ZNF845: variants seen among roughly 807,000 people sequenced by gnomAD.
The protein encoded by ZNF845 is zinc finger protein 845.
Under a neutral mutation model 76.1 loss-of-function variants are expected in ZNF845, and 59 were observed. That is an observed-to-expected ratio of 0.78 (90% CI 0.63 to 0.96). ZNF845 has a LOEUF of 0.96. Ranked by LOEUF, ZNF845 falls within the 40% of genes least tolerant of loss-of-function variation. The pLI is 0.00. For synonymous variants in ZNF845, 361 were observed against 386.9 expected, an observed-to-expected ratio of 0.93 and a Z score of 0.78; for missense variants, 1,045 against 1,172.8, an observed-to-expected ratio of 0.89 and a Z score of 1.59.
At chr19:53,344,867 G>A (rs377091281) in intron 2 of ZNF845, among the ~76,000 whole-genome samples, 12 of 151,804 alleles carry the variant, frequency 7.9e-5, no homozygotes, top group African/African-American at 2.9e-4. Flanking sequence ...TTGAACTCCC[G>A]ACTTCAGGTG....
At chr19:53,343,965 G>T (rs1036441231) in intron 2 of ZNF845, among the ~76,000 whole-genome samples, 2 of 151,254 alleles carry the variant, frequency 1.3e-5, no homozygotes, top group Non-Finnish European at 2.9e-5. Flanking sequence ...AACCACAGGT[G>T]CCTGCCACCA....
Position 53,352,952 on chromosome 19 carries a change from A to G in ZNF845, c.2277A>G (p.Lys759=). 6.2e-7 allele frequency: 1 copy of G among 1,614,094 alleles called. No homozygotes were observed. Among genetic ancestry groups the G allele is most frequent in the Non-Finnish European group, 8.5e-7 (1 of 1,179,978 alleles). ...CEECDKVFSR[K]SSLEKHRRIH... ...AATGTGACAAAGTTTTCAGTCGCAA[A>G]TCAAGCCTTGAAAAACACAGGAGAA... Residue 759 remains lysine, a synonymous_variant, in exon 4 of 4, where the codon AAA becomes AAG. Transcript: ENST00000458035.
intron 3 of ZNF845, among the ~76,000 whole-genome samples, chr19:53,349,529 A>G (rs1303067574): frequency 6.6e-6 from 1 of 151,778 alleles, no homozygotes; most frequent in African/African-American, 2.4e-5. Flanking sequence ...CAGCCTCCCA[A>G]AGTGTTGGGA....
intron 1 of ZNF845, chr19:53,340,787 T>A (rs2085250674): frequency 3.0e-6 from 1 of 331,596 alleles, no homozygotes; most frequent in Non-Finnish European, 5.4e-6. Flanking sequence ...TCTGACCTCA[T>A]CTGTTTCCCG....
At chr19:53,343,301 T>C (rs951990877) in intron 2 of ZNF845, among the ~76,000 whole-genome samples, 4 of 152,224 alleles carry the variant, frequency 2.6e-5, no homozygotes, top group Admixed American at 2.6e-4. Flanking sequence ...CCCTTTGACA[T>C]CTGCATTAGA....
chr19:53,354,822 A>G lies in ZNF845; in HGVS notation c.*1234A>G, dbSNP rs1365395916. 2.0e-5 allele frequency: 3 copies of G among 152,098 alleles called. No homozygotes were observed. Among genetic ancestry groups the G allele is most frequent in the Non-Finnish European group, 4.4e-5 (3 of 68,026 alleles). The allele number at this position is 152,098 out of a possible 1,614,324, so 9.4% of individuals were successfully genotyped here. A position where few individuals can be genotyped will look rare whatever the true frequency, so the allele number is the denominator to read the frequency against. On this transcript the variant is annotated 3_prime_UTR_variant, in exon 4 of 4. Coordinates refer to ENST00000458035, the MANE Select transcript of ZNF845 (RefSeq NM_138374.3). ...TGGGTGCTGATTTTGTATTCTGCAA[A>G]TACATTGAGTGGGTTTATTAGTATC...
chr19:53,340,435 T>G (rs1374211431), intron 1 of ZNF845, among the ~76,000 whole-genome samples: 1 of 152,112 alleles, frequency 6.6e-6, no homozygotes, highest in Non-Finnish European at 1.5e-5. Context: ...CTGTGTCCAG[T>G]TGACTCCTTA....
At chr19:53,340,382 G>A (rs547285895) in intron 1 of ZNF845, among the ~76,000 whole-genome samples, 2 of 152,152 alleles carry the variant, frequency 1.3e-5, no homozygotes, top group Admixed American at 6.5e-5. Context: ...TTACCCCCAT[G>A]GCCCCATGGC....
intron 2 of ZNF845, among the ~76,000 whole-genome samples, chr19:53,344,039 A>C (rs1331221902): frequency 1.3e-5 from 2 of 151,324 alleles, no homozygotes; most frequent in Non-Finnish European, 2.9e-5. Context: ...TGCAATGGTG[A>C]GATTTAGGAT....
At chr19:53,346,452 A>G (rs982822107) in intron 3 of ZNF845, 1 of 348,736 alleles carries the variant, frequency 2.9e-6, no homozygotes, top group Non-Finnish European at 5.7e-6. Flanking sequence ...AGGCCGAGGC[A>G]GGCAAATCAC....
chr19:53,344,610 T>TTATGTTATGTTATGTTATGTTATG (rs1568736743), intron 2 of ZNF845, among the ~76,000 whole-genome samples: 2 of 129,584 alleles, frequency 1.5e-5, no homozygotes, highest in Admixed American at 9.2e-5. Context: ...TTTTATTTAT[T>TTATGTTATGTTATGTTATGTTATG]TTATTTTATT....
At chr19:53,349,343 C>A (rs1028741445) in intron 3 of ZNF845, among the ~76,000 whole-genome samples, 3 of 151,938 alleles carry the variant, frequency 2.0e-5, no homozygotes, top group African/African-American at 7.3e-5. Flanking sequence ...CGGCTCACTG[C>A]AAGCTCCACC....
intron 1 of ZNF845, among the ~76,000 whole-genome samples, chr19:53,336,458 C>T (rs1304542182): frequency 6.6e-6 from 1 of 151,930 alleles, no homozygotes; most frequent in Non-Finnish European, 1.5e-5. Flanking sequence ...TGCAGTGAAC[C>T]GAAATGGTAC....
intron 3 of ZNF845, among the ~76,000 whole-genome samples, chr19:53,348,354 C>T (rs912632058): frequency 6.6e-6 from 1 of 152,132 alleles, no homozygotes; most frequent in Non-Finnish European, 1.5e-5. Context: ...GTGGGAAATC[C>T]AAGAGCAAGG....
intron 2 of ZNF845, among the ~76,000 whole-genome samples, chr19:53,342,677 A>G (rs1337529975): frequency 6.6e-6 from 1 of 152,138 alleles, no homozygotes; most frequent in Non-Finnish European, 1.5e-5. Flanking sequence ...GGTAAATTTA[A>G]AAAATATATA....
In ZNF845 at chr19:53,354,825, CATTG is replaced by C. The variant is rs1276583979; in HGVS notation, c.*1239_*1242del. On this transcript the variant is annotated 3_prime_UTR_variant, in exon 4 of 4. Transcript: ENST00000458035. ...GTGCTGATTTTGTATTCTGCAAATA[CATTG>C]AGTGGGTTTATTAGTATCAGTAAAA... 6.6e-6 allele frequency: 1 copy of C among 151,922 alleles called. No individual in the cohort carries two copies. The highest frequency in any genetic ancestry group is 1.9e-4 in the East Asian group (1 of 5,190). The allele number at this position is 151,922 out of a possible 1,614,324, so 9.4% of individuals were successfully genotyped here. A position where few individuals can be genotyped will look rare whatever the true frequency, so the allele number is the denominator to read the frequency against.
chr19:53,344,615 T>TTATGTTATGTTATGTTATGTTATGTTATG (rs59952944), intron 2 of ZNF845, among the ~76,000 whole-genome samples: 2,724 of 132,180 alleles, frequency 0.021, 174 homozygotes, highest in Admixed American at 0.07. Context: ...TTTATTTTAT[T>TTATGTTATGTTATGTTATGTTATGTTATG]TTATTTTATT....
chr19:53,339,870 T>C (rs1396904442), intron 1 of ZNF845, among the ~76,000 whole-genome samples: 1 of 152,222 alleles, frequency 6.6e-6, no homozygotes. Context: ...TTCCCTGCTT[T>C]ATCCAGGTTA....
chr19:53,338,909 T>C (rs1461656996), intron 1 of ZNF845, among the ~76,000 whole-genome samples: 1 of 133,184 alleles, frequency 7.5e-6, no homozygotes. Flanking sequence ...TGAAATCCCA[T>C]CTCTACTAAA....
Sources: gnomAD v4.1 joint callset for allele counts (sites outside exome capture counted in the v4.1 genomes callset) on GRCh38, gnomAD v4.1.1 for gene constraint, MANE v1.5 for transcripts, NCBI Gene and HGNC (gene_info 2026-07-23, HGNC 2026-07-21) for gene names.